The following ATP2B2 variants were observed in gnomAD, a reference collection of about 807,000 sequenced individuals.
ATP2B2 encodes plasma membrane calcium-transporting ATPase 2.
Under a neutral mutation model 120.0 loss-of-function variants are expected in ATP2B2, and 15 were observed. The ratio of observed to expected loss-of-function variants is 0.12; its 90% CI spans 0.08 to 0.19. ATP2B2 has a LOEUF of 0.19. Ranked by LOEUF, ATP2B2 falls within the 10% of genes least tolerant of loss-of-function variation. The probability of loss-of-function intolerance (pLI) is 1.00; values close to 1 mark genes in which losing one functional copy is unlikely to be tolerated. For synonymous variants in ATP2B2, 694 were observed against 700.3 expected (o/e 0.99, Z 0.14); for missense variants, 1,045 against 1,719.8 (o/e 0.61, Z 6.94).
chr3:10,660,922 G>C (rs139237080), intron 1 of ATP2B2, among the ~76,000 whole-genome samples: 2 of 152,304 alleles, frequency 1.3e-5, no homozygotes, highest in Admixed American at 1.3e-4. Flanking sequence ...CTTCATTCCT[G>C]GGATGCAAGG....
intron 1 of ATP2B2, among the ~76,000 whole-genome samples, chr3:10,494,923 C>G (rs2066082203): frequency 6.6e-6 from 1 of 152,212 alleles, no homozygotes; most frequent in Non-Finnish European, 1.5e-5. Flanking sequence ...GAGGGGGATA[C>G]AGCTTGTCAG....
intron 1 of ATP2B2, among the ~76,000 whole-genome samples, chr3:10,457,858 T>C (rs533636896): frequency 1.3e-5 from 2 of 151,778 alleles, no homozygotes; most frequent in Admixed American, 1.3e-4. Flanking sequence ...AAGGCACAGG[T>C]GGCAGACGTA....
chr3:10,358,657 C>T, intron 14 of ATP2B2, 34 bp downstream of exon 14: 2 of 1,610,960 alleles, frequency 1.2e-6, no homozygotes, highest in Non-Finnish European at 8.5e-7. Context: ...CAGCCTCATC[C>T]CCTTTCCCTG....
intron 1 of ATP2B2, among the ~76,000 whole-genome samples, chr3:10,486,772 T>G (rs1181246419): frequency 1.3e-5 from 2 of 152,092 alleles, no homozygotes; most frequent in South Asian, 2.1e-4. Context: ...CAGGCTGGAG[T>G]GCAGTGGCAT....
intron 1 of ATP2B2, among the ~76,000 whole-genome samples, chr3:10,452,622 G>C (rs192120871): frequency 1.3e-5 from 2 of 151,858 alleles, no homozygotes; most frequent in East Asian, 3.9e-4. Context: ...GGAAGGAAAT[G>C]AGGTCAGGGG....
At chr3:10,367,728 G>A (rs1280279604) in intron 12 of ATP2B2, among the ~76,000 whole-genome samples, 2 of 152,188 alleles carry the variant, frequency 1.3e-5, no homozygotes, top group East Asian at 1.9e-4. Context: ...AGATCTGCTC[G>A]GGTACTCTCG....
rs766797058 is a variant in ATP2B2, at chr3:10,329,437, C to T, written c.3421-312G>A. On this transcript the variant is annotated intron_variant, in intron 22 of 22. Coordinates refer to ENST00000360273, the MANE Select transcript of ATP2B2 (RefSeq NM_001001331.4). The surrounding 1 kb of genome is among the most constrained non-coding windows in gnomAD (Gnocchi z 5.9). ...TTAAAGGAAGCACAGTCGACTCCTG[C>T]GGGCACCCACACCTAGTGAGAGACT... is the stretch of plus-strand genomic sequence containing the variant. 3.3e-5 allele frequency among the ~76,000 whole-genome samples: 5 copies of T among 151,996 alleles called. No individual in the cohort carries two copies. Among genetic ancestry groups the T allele is most frequent in the African/African-American group, 4.8e-5 (2 of 41,364 alleles).
intron 2 of ATP2B2, among the ~76,000 whole-genome samples, chr3:10,557,059 G>A (rs2067796323): frequency 6.6e-6 from 1 of 152,184 alleles, no homozygotes; most frequent in African/African-American, 2.4e-5. Context: ...GTCCTGCCAT[G>A]AGTCACTCTG....
At chr3:10,471,704 A>G (rs2065010506) in intron 1 of ATP2B2, among the ~76,000 whole-genome samples, 1 of 152,196 alleles carries the variant, frequency 6.6e-6, no homozygotes, top group East Asian at 1.9e-4. Flanking sequence ...TGATTTGATC[A>G]TGCCACATTG....
intron 2 of ATP2B2, among the ~76,000 whole-genome samples, chr3:10,424,674 G>A (rs547121147): frequency 2.6e-5 from 4 of 152,192 alleles, no homozygotes; most frequent in Middle Eastern, 3.4e-3. Flanking sequence ...CTAAATAAAC[G>A]GTGGTACATC....
chr3:10,651,223 G>C (rs968240592), intron 1 of ATP2B2, among the ~76,000 whole-genome samples: 2 of 152,196 alleles, frequency 1.3e-5, no homozygotes, highest in Non-Finnish European at 2.9e-5. Flanking sequence ...TTTGAAATGT[G>C]AGGACATGAG....
At chr3:10,569,532 T>A (rs901297014) in intron 2 of ATP2B2, among the ~76,000 whole-genome samples, 2 of 152,210 alleles carry the variant, frequency 1.3e-5, no homozygotes, top group African/African-American at 4.8e-5. Flanking sequence ...TATAGATTAT[T>A]TTTATGAACC....
At chr3:10,488,738 T>C (rs1470559279) in intron 1 of ATP2B2, among the ~76,000 whole-genome samples, 1 of 152,090 alleles carries the variant, frequency 6.6e-6, no homozygotes, top group Non-Finnish European at 1.5e-5. Context: ...ACCCTCTTTC[T>C]CCACCTCCAG....
rs566870264 is a variant in ATP2B2 at position 10,456,778 on chromosome 3, T to G, written c.-319-6916A>C. On this transcript the variant is annotated intron_variant, in intron 1 of 22. Coordinates refer to ENST00000360273, the MANE Select transcript of ATP2B2 (RefSeq NM_001001331.4). ...AGTTTCCCTTCTGTTCTGGTCTTGA[T>G]GAACTACTTATAGTTCCCATGAGGT... 7.1e-4 allele frequency among the ~76,000 whole-genome samples: 108 copies of G among 152,350 alleles called. 2 individuals are homozygous for G. In the Middle Eastern group the frequency reaches 0.031, roughly 43 times the overall value.
In ATP2B2 at chr3:10,700,028, A is replaced by C. The variant is rs143845404; in HGVS notation, c.-460+7887T>G. 3.2e-4 allele frequency among the ~76,000 whole-genome samples: 48 copies of C among 152,324 alleles called. 2 individuals carry two copies. The East Asian group carries it at 9.1e-3, about 29-fold the overall frequency. On this transcript the variant is annotated intron_variant, in intron 1 of 21. Coordinates refer to the ATP2B2 transcript ENST00000646379. ...AGACAATGTGAAAAAAGCTACTTTT[A>C]TTTTGAAAAGAGAAAAAATACATAT...
chr3:10,635,097 C>T lies in ATP2B2; in HGVS notation c.-459-15136G>A, dbSNP rs2125643922. ...CTGGGAATTGGAATGGTATCACTGG[C>T]CTCTCTGTGGGAGACAATACGGAGC... On this transcript the variant is annotated intron_variant, in intron 1 of 21. Coordinates refer to the ATP2B2 transcript ENST00000646379. The surrounding 1 kb of genome is among the most constrained non-coding windows in gnomAD (Gnocchi z 4.3). 6.6e-6 allele frequency among the ~76,000 whole-genome samples: 1 copy of T among 151,940 alleles called. No homozygotes were observed. Among genetic ancestry groups the T allele is most frequent in the African/African-American group, 2.4e-5 (1 of 41,480 alleles).
At chr3:10,506,200 G>A (rs2066620214), upstream of ATP2B2, among the ~76,000 whole-genome samples, 1 of 152,122 alleles carries the variant, frequency 6.6e-6, no homozygotes, top group Non-Finnish European at 1.5e-5. Context: ...GGCCAGTGGA[G>A]CTGAGCCCGC....
intron 1 of ATP2B2, among the ~76,000 whole-genome samples, chr3:10,627,919 G>T (rs1038255527): frequency 6.6e-6 from 1 of 152,108 alleles, no homozygotes; most frequent in African/African-American, 2.4e-5. Context: ...ACATCATGGG[G>T]CCCACTTTGT....
At chr3:10,687,382 G>A (rs923861979) in intron 1 of ATP2B2, among the ~76,000 whole-genome samples, 1 of 152,160 alleles carries the variant, frequency 6.6e-6, no homozygotes, top group African/African-American at 2.4e-5. Flanking sequence ...GCTAAGGAAT[G>A]TTTTTGATGC....
Sources: gnomAD v4.1 joint callset for allele counts (sites outside exome capture counted in the v4.1 genomes callset) on GRCh38, gnomAD v4.1.1 for gene constraint, Gnocchi (gnomAD v3.1) non-coding constraint, MANE v1.5 for transcripts, NCBI Gene and HGNC (gene_info 2026-07-23, HGNC 2026-07-21) for gene names.